MKLN1: variants seen among roughly 807,000 people sequenced by gnomAD.
The protein encoded by MKLN1 is muskelin 1.
In MKLN1, 18 loss-of-function variants were observed where a neutral mutation model predicts 99.0. The ratio of observed to expected loss-of-function variants is 0.18; its 90% confidence interval spans 0.13 to 0.27. The LOEUF is 0.27. Ranked by LOEUF, MKLN1 falls within the 10% of genes least tolerant of loss-of-function variation. MKLN1 has a pLI of 1.00. For missense variants in MKLN1, 621 were observed against 875.9 expected, an observed-to-expected ratio of 0.71 and a Z score of 3.67; for synonymous variants, 288 against 293.2, an observed-to-expected ratio of 0.98 and a Z score of 0.18.
intron 1 of MKLN1, among the ~76,000 whole-genome samples, chr7:131,137,551 A>C (rs1434654514): frequency 1.3e-5 from 2 of 152,056 alleles, no homozygotes; most frequent in Non-Finnish European, 2.9e-5. Context: ...ATCTGTGAAC[A>C]TGAACTTTTT....
At chr7:131,207,866 A>G (rs1282834556) in intron 3 of MKLN1, among the ~76,000 whole-genome samples, 2 of 152,244 alleles carry the variant, frequency 1.3e-5, no homozygotes, top group African/African-American at 4.8e-5. Flanking sequence ...GGGAGTAGAG[A>G]TGGTTTTAGC....
At chr7:131,395,962 A>G (rs1449907415) in intron 4 of MKLN1, among the ~76,000 whole-genome samples, 1 of 151,906 alleles carries the variant, frequency 6.6e-6, no homozygotes, top group African/African-American at 2.4e-5. Context: ...GCCATTATAA[A>G]TAGGACTTTT....
chr7:131,290,273 C>G (rs1039388953), intron 3 of MKLN1, among the ~76,000 whole-genome samples: 7 of 152,170 alleles, frequency 4.6e-5, no homozygotes, highest in African/African-American at 1.7e-4. Flanking sequence ...CCATTGCACT[C>G]CAAGCCTGGG....
chr7:131,284,775 G>A (rs566772012), intron 3 of MKLN1, among the ~76,000 whole-genome samples: 4 of 152,324 alleles, frequency 2.6e-5, no homozygotes, highest in African/African-American at 9.6e-5. Context: ...CTGCCAGCCC[G>A]CTGGGTGGTG....
chr7:131,384,913 T>G (rs1793963244), intron 2 of MKLN1, among the ~76,000 whole-genome samples: 1 of 152,240 alleles, frequency 6.6e-6, no homozygotes. Flanking sequence ...AAGTTAGCCA[T>G]TTTAAAGTAT....
At chr7:131,327,787 G>A, upstream of MKLN1, 2 of 1,447,706 alleles carry the variant, frequency 1.4e-6, no homozygotes, top group Non-Finnish European at 1.8e-6. Flanking sequence ...GATGCGGGGC[G>A]GGGAGCGCGG....
intron 1 of MKLN1, among the ~76,000 whole-genome samples, chr7:131,351,216 C>A (rs1288124643): frequency 6.6e-6 from 1 of 151,526 alleles, no homozygotes; most frequent in Non-Finnish European, 1.5e-5. Context: ...CCACCGCACT[C>A]CAGCCTGGGC....
At chr7:131,122,745 GGT>G (rs1795391428) in intron 1 of MKLN1, among the ~76,000 whole-genome samples, 1 of 152,102 alleles carries the variant, frequency 6.6e-6, no homozygotes, top group Non-Finnish European at 1.5e-5. Flanking sequence ...CTGCGGGCCG[GGT>G]GCGGTGGCTC....
intron 3 of MKLN1, among the ~76,000 whole-genome samples, chr7:131,206,319 G>A (rs1460987186): frequency 6.6e-6 from 1 of 152,010 alleles, no homozygotes; most frequent in Non-Finnish European, 1.5e-5. Flanking sequence ...CTAGATTATT[G>A]TTTCACAAAA....
At chr7:131,277,686 G>A (rs1000218976) in intron 3 of MKLN1, among the ~76,000 whole-genome samples, 1 of 152,172 alleles carries the variant, frequency 6.6e-6, no homozygotes, top group African/African-American at 2.4e-5. Context: ...AAAGTGCTGG[G>A]ACTACAGGCG....
At position 131,494,933 on chromosome 7, in the gene MKLN1, ACATAC is replaced by A. The variant is rs1797517237; in HGVS notation, c.*7206_*7210del. 1.3e-5 allele frequency: 2 copies of A among 152,166 alleles called. No individual in the cohort carries two copies. The highest frequency in any genetic ancestry group is 2.9e-5 in the Non-Finnish European group (2 of 68,046). The allele number at this position is 152,166 out of a possible 1,614,324, so 9.4% of individuals were successfully genotyped here. ...TATAAATATACATACATACACATAC[ACATAC>A]ATTTTTAAAATGCTCTTTTTAAAGA... On this transcript the variant is annotated 3_prime_UTR_variant, in exon 18 of 18. Coordinates refer to ENST00000352689, the MANE Select transcript of MKLN1 (RefSeq NM_013255.5).
chr7:131,397,525 T>A, intron 5 of MKLN1, 149 bp downstream of exon 5: 1 of 547,182 alleles, frequency 1.8e-6, no homozygotes, highest in East Asian at 3.0e-5. Flanking sequence ...GTCTGCCAGC[T>A]TTTAAGGAAT....
At chr7:131,111,265 C>T (rs1352077524) in intron 1 of MKLN1, among the ~76,000 whole-genome samples, 2 of 152,166 alleles carry the variant, frequency 1.3e-5, no homozygotes, top group African/African-American at 4.8e-5. Context: ...CAGCGTGTTC[C>T]GTGGAAATCA....
At chr7:131,326,759 TG>T (rs1360012500), upstream of MKLN1, 5 of 152,250 alleles carry the variant, frequency 3.3e-5, no homozygotes, top group Admixed American at 3.3e-4. Context: ...GGCAGGTTAA[TG>T]ATTACAACGG....
At chr7:131,232,925 G>A (rs1170175973) in intron 3 of MKLN1, among the ~76,000 whole-genome samples, 1 of 152,146 alleles carries the variant, frequency 6.6e-6, no homozygotes, top group Non-Finnish European at 1.5e-5. Context: ...CAACCACTGA[G>A]TATGATGCTC....
chr7:131,305,094 C>T (rs4731789), intron 3 of MKLN1, among the ~76,000 whole-genome samples: 68,116 of 151,958 alleles, frequency 0.45, 16,800 homozygotes, highest in Admixed American at 0.59. Context: ...AACCTGCGGG[C>T]GCCTTGATTG....
At chr7:131,117,848 G>C (rs1427637266) in intron 1 of MKLN1, among the ~76,000 whole-genome samples, 1 of 152,160 alleles carries the variant, frequency 6.6e-6, no homozygotes, top group Non-Finnish European at 1.5e-5. Context: ...GAAATAGTGG[G>C]TTATGGAGAG....
chr7:131,195,822 G>A (rs1472284010), intron 2 of MKLN1, among the ~76,000 whole-genome samples: 1 of 151,866 alleles, frequency 6.6e-6, no homozygotes, highest in Admixed American at 6.6e-5. Context: ...ATGGCAGCGC[G>A]TGCCTGTAAT....
At chr7:131,370,375 T>C (rs1800310537) in intron 1 of MKLN1, among the ~76,000 whole-genome samples, 1 of 152,040 alleles carries the variant, frequency 6.6e-6, no homozygotes, top group South Asian at 2.1e-4. Flanking sequence ...AAAGTGTTTT[T>C]TTTTTTTTTA....
Sources: gnomAD v4.1 joint callset for allele counts (sites outside exome capture counted in the v4.1 genomes callset) on GRCh38, gnomAD v4.1.1 for gene constraint, MANE v1.5 for transcripts, NCBI Gene and HGNC (gene_info 2026-07-23, HGNC 2026-07-21) for gene names.